PUM1: variants seen among roughly 807,000 people sequenced by gnomAD.
PUM1 encodes the protein pumilio homolog 1.
In PUM1, 13 loss-of-function variants were observed where a neutral mutation model predicts 131.8. The ratio of observed to expected loss-of-function variants is 0.10; its 90% confidence interval spans 0.06 to 0.16. The LOEUF is 0.16. PUM1 is among the 10% of genes least tolerant of loss of function. The pLI, the probability that PUM1 is intolerant of heterozygous loss-of-function variation, is 1.00. For missense variants in PUM1, 961 were observed against 1,512.4 expected (o/e 0.64, Z 6.05); for synonymous variants, 509 against 556.5 (o/e 0.91, Z 1.20).
chr1:31,023,732 C>A (rs1189589239), intron 3 of PUM1, among the ~76,000 whole-genome samples: 1 of 140,016 alleles, frequency 7.1e-6, no homozygotes, highest in Non-Finnish European at 1.6e-5. Context: ...AGATAGAGAC[C>A]ATCCTGGCCA....
At chr1:31,052,483 A>C (rs1644135902) in intron 2 of PUM1, among the ~76,000 whole-genome samples, 1 of 149,140 alleles carries the variant, frequency 6.7e-6, no homozygotes. Context: ...GGCTCAAGTG[A>C]TCCTCCCTTG....
chr1:31,007,711 C>T (rs774312997), intron 3 of PUM1, among the ~76,000 whole-genome samples: 17 of 152,196 alleles, frequency 1.1e-4, no homozygotes, highest in Non-Finnish European at 2.4e-4. Context: ...AATCTTCTAA[C>T]CTCCATTAAT....
At position 30,933,347 on chromosome 1, in the gene PUM1, G is replaced by A. The variant is rs750934151; in HGVS notation, c.3436-5C>T. On this transcript the variant is annotated splice_region_variant and splice_polypyrimidine_tract_variant and intron_variant, in intron 21 of 21. Transcript: ENST00000426105. Reference sequence around the variant, plus strand: ...AGTTGCGATGTGGGGCCGGATCTGGGGAGGAAAGACAGTCTGTGTTACATG... The same window carrying A: ...AGTTGCGATGTGGGGCCGGATCTGGAGAGGAAAGACAGTCTGTGTTACATG... 3 of 1,613,004 alleles carry A rather than the reference G, an allele frequency of 1.9e-6. No individual in the cohort carries two copies. Among genetic ancestry groups the A allele is most frequent in the Non-Finnish European group, 2.5e-6 (3 of 1,179,354 alleles).
At chr1:30,961,198 A>T (rs1215128723) in intron 14 of PUM1, among the ~76,000 whole-genome samples, 2 of 151,850 alleles carry the variant, frequency 1.3e-5, no homozygotes, top group Non-Finnish European at 2.9e-5. Flanking sequence ...ATCTCAAAAA[A>T]ATAAATAAAA....
intron 3 of PUM1, among the ~76,000 whole-genome samples, chr1:31,026,064 C>T (rs1643208961): frequency 1.3e-5 from 2 of 152,010 alleles, no homozygotes; most frequent in South Asian, 2.1e-4. Flanking sequence ...CCAGCCTGGG[C>T]AACACAGTGA....
At chr1:30,993,372 T>G (rs1641868450) in intron 6 of PUM1, among the ~76,000 whole-genome samples, 1 of 150,850 alleles carries the variant, frequency 6.6e-6, no homozygotes, top group Admixed American at 6.6e-5. Context: ...AGGGCACTAT[T>G]GATAATTATT....
At chr1:31,004,256 C>T (rs1642320553) in intron 5 of PUM1, among the ~76,000 whole-genome samples, 1 of 152,206 alleles carries the variant, frequency 6.6e-6, no homozygotes, top group Admixed American at 6.5e-5. Flanking sequence ...CTAATTCCAA[C>T]TATTTTTCTG....
intron 5 of PUM1, 29 bp downstream of exon 5, chr1:31,005,824 A>T (rs1156412469): frequency 6.6e-7 from 1 of 1,526,280 alleles, no homozygotes; most frequent in Non-Finnish European, 8.8e-7. Flanking sequence ...AGAGAGAGAG[A>T]TAGGAACAAG....
chr1:30,959,866 C>G (rs1485748021), intron 14 of PUM1, among the ~76,000 whole-genome samples: 4 of 149,850 alleles, frequency 2.7e-5, no homozygotes, highest in Non-Finnish European at 5.9e-5. Context: ...GAGATTGCAC[C>G]ATTGCACTCC....
intron 19 of PUM1, 30 bp from the exon 20 acceptor site, chr1:30,941,302 T>C (rs1451018359): frequency 1.3e-6 from 2 of 1,599,184 alleles, no homozygotes; most frequent in Admixed American, 1.7e-5. Context: ...AGAAATAAAA[T>C]GTATGTGAAA....
intron 15 of PUM1, among the ~76,000 whole-genome samples, chr1:30,952,855 C>G (rs1018816442): frequency 6.6e-6 from 1 of 151,844 alleles, no homozygotes; most frequent in Non-Finnish European, 1.5e-5. Flanking sequence ...TAAAACAGTA[C>G]TCATCAGCTA....
At chr1:30,973,253 A>T (rs1398507266) in intron 10 of PUM1, among the ~76,000 whole-genome samples, 1 of 54,318 alleles carries the variant, frequency 1.8e-5, no homozygotes, top group Non-Finnish European at 2.8e-5. Context: ...TGTGGAATCT[A>T]AAAAAAAAAA....
intron 2 of PUM1, among the ~76,000 whole-genome samples, chr1:31,034,141 C>T (rs148444673): frequency 3.3e-4 from 50 of 152,268 alleles, no homozygotes; most frequent in Non-Finnish European, 4.6e-4. Flanking sequence ...TCACTAAAAA[C>T]GACACAGGTT....
intron 2 of PUM1, among the ~76,000 whole-genome samples, chr1:31,045,942 CG>C (rs1643947053): frequency 6.6e-6 from 1 of 151,980 alleles, no homozygotes; most frequent in African/African-American, 2.4e-5. Flanking sequence ...ATTAGCTGGA[CG>C]TGGTGGTGCA....
intron 3 of PUM1, among the ~76,000 whole-genome samples, chr1:31,020,112 T>C (rs572194610): frequency 1.3e-5 from 2 of 152,212 alleles, no homozygotes; most frequent in Non-Finnish European, 2.9e-5. Context: ...CCCTTCTTTA[T>C]GTCTATGTGT....
intron 20 of PUM1, among the ~76,000 whole-genome samples, chr1:30,938,586 C>T (rs1318794618): frequency 6.6e-6 from 1 of 151,776 alleles, no homozygotes; most frequent in Non-Finnish European, 1.5e-5. Flanking sequence ...GATTCTCAGC[C>T]GGGCACGGTG....
intron 3 of PUM1, among the ~76,000 whole-genome samples, chr1:31,009,139 T>C (rs1236205966): frequency 6.6e-6 from 1 of 150,792 alleles, no homozygotes; most frequent in Non-Finnish European, 1.5e-5. Context: ...GCTAAGATCA[T>C]GCCACTGAAC....
Position 31,011,164 on chromosome 1 carries a change from T to TACATACACAC in PUM1, c.433-4063_433-4062insGTGTGTATGT, listed in dbSNP as rs1553150338. Among the ~76,000 whole-genome samples, 39 of 143,078 alleles carry TACATACACAC rather than the reference T, an allele frequency of 2.7e-4. No homozygotes were observed. The South Asian group carries it at 3.9e-3, about 14-fold the overall frequency. The allele number at this position is 143,078 out of a possible 152,430, so 93.9% of individuals were successfully genotyped here. A position where few individuals can be genotyped will look rare whatever the true frequency, so the allele number is the denominator to read the frequency against. The stretch of plus-strand genomic sequence containing the variant: ...CAGAGTGAGACCCTATCTCTTAAAA[T>TACATACACAC]ACACACACACACACACACACACACA... On this transcript the variant is annotated intron_variant, in intron 3 of 21. Coordinates refer to ENST00000426105, the MANE Select transcript of PUM1 (RefSeq NM_001020658.2).
chr1:30,984,806 CTGT>C (rs201540599), intron 7 of PUM1, among the ~76,000 whole-genome samples: 3 of 152,138 alleles, frequency 2.0e-5, no homozygotes, highest in Non-Finnish European at 4.4e-5. Context: ...ACTATTATTA[CTGT>C]TGTTGTTATC....
Sources: allele counts gnomAD v4.1 joint callset (sites outside exome capture counted in the v4.1 genomes callset), GRCh38; gene constraint gnomAD v4.1.1; transcripts MANE v1.5; gene names NCBI Gene and HGNC (gene_info 2026-07-23, HGNC 2026-07-21).